Variants in ZNF324B observed in about 807,000 individuals in gnomAD.
The protein encoded by ZNF324B is zinc finger protein 324B.
In ZNF324B, 7 loss-of-function variants were observed where a neutral mutation model predicts 10.6. The ratio of observed to expected loss-of-function variants is 0.66; its 90% CI spans 0.38 to 1.24. The LOEUF is 1.24. ZNF324B is among the 50% of genes most tolerant of loss of function. The probability of loss-of-function intolerance (pLI) is 0.02; values close to 1 mark genes in which losing one functional copy is unlikely to be tolerated. For missense variants in ZNF324B, 640 were observed against 764.7 expected, an observed-to-expected ratio of 0.84 and a Z score of 1.92; for synonymous variants, 316 against 321.0, an observed-to-expected ratio of 0.98 and a Z score of 0.17.
At chr19:58,428,083 G>GTAA in the ZNF324B span, among the ~76,000 whole-genome samples, 1 of 152,316 alleles carries the variant, frequency 6.6e-6, no homozygotes, top group East Asian at 1.9e-4. Flanking sequence ...AAACTTTGCT[G>GTAA]ACGGCAAAAC....
the ZNF324B span, among the ~76,000 whole-genome samples, chr19:58,425,741 G>C: frequency 6.6e-6 from 1 of 152,140 alleles, no homozygotes; most frequent in Non-Finnish European, 1.5e-5. Flanking sequence ...AAAGTGCTGG[G>C]ATTACAGGCA....
the ZNF324B span, chr19:58,445,116 T>C: frequency 6.8e-6 from 2 of 292,442 alleles, no homozygotes; most frequent in South Asian, 6.0e-5. Context: ...TTCAGAGTTC[T>C]GCTTTCATTA....
At chr19:58,442,993 A>ATACAGAGCACTGATTGGTCCATTT in the ZNF324B span, 2 of 32,100 alleles carry the variant, frequency 6.2e-5, no homozygotes, top group African/African-American at 5.4e-4. Context: ...TTGGTCCATT[A>ATACAGAGCACTGATTGGTCCATTT]TACAGAGCAC....
At position 58,456,358 on chromosome 19, in the gene ZNF324B, C is replaced by T. The variant is rs756211839; in HGVS notation, c.1414C>T (p.Arg472Trp). 9.8e-5 allele frequency: 158 copies of T among 1,612,508 alleles called. No homozygotes were observed. The highest frequency in any genetic ancestry group is 1.3e-4 in the Non-Finnish European group (156 of 1,179,936). Residue 472 changes from arginine (R) to tryptophan (W), a missense_variant, in exon 4 of 4, where the codon CGG becomes TGG. Arg to Trp is a moderately radical substitution (Grantham distance 101, BLOSUM62 -3). Around this residue, in one of 3 missense-constraint regions of ZNF324B, gnomAD observed 238 missense variants for 258.0 expected, o/e 0.92. Coordinates refer to ENST00000336614, the MANE Select transcript of ZNF324B (RefSeq NM_207395.3). This position sits in a 1 kb window ranked among gnomAD's most constrained non-coding sequence, Gnocchi z 4.7. The stretch of plus-strand genomic sequence containing the variant: ...CAAGGGCGCCGTGCTGCTCAGCCAC[C>T]GGCGCATTCACACGGGCGAGAAGCC... ...FAKGAVLLSH[R>W]RIHTGEKPFV...
chr19:58,424,011 G>A, the ZNF324B span, among the ~76,000 whole-genome samples: 13 of 151,900 alleles, frequency 8.6e-5, no homozygotes, highest in African/African-American at 1.9e-4. Context: ...AGGCCGAGGC[G>A]GACGGATCAC....
At chr19:58,437,740 C>T in the ZNF324B span, 38 of 985,294 alleles carry the variant, frequency 3.9e-5, no homozygotes, top group Non-Finnish European at 4.3e-5. Flanking sequence ...CAGATGCAAC[C>T]GGGATCCATT....
the ZNF324B span, chr19:58,433,999 G>T: frequency 1.2e-6 from 2 of 1,614,224 alleles, no homozygotes; most frequent in Non-Finnish European, 1.7e-6. Flanking sequence ...CCGTTCTCCA[G>T]TGTGAACTTT....
At chr19:58,430,364 G>C in the ZNF324B span, 1 of 152,252 alleles carries the variant, frequency 6.6e-6, no homozygotes. Context: ...GTGAAATAGT[G>C]ACTATTGTTT....
the ZNF324B span, among the ~76,000 whole-genome samples, chr19:58,425,877 T>G: frequency 6.6e-6 from 1 of 152,194 alleles, no homozygotes; most frequent in Non-Finnish European, 1.5e-5. Context: ...GTGAACTGGG[T>G]CTAATGTTTC....
the ZNF324B span, among the ~76,000 whole-genome samples, chr19:58,439,337 A>C: frequency 6.6e-6 from 1 of 151,946 alleles, no homozygotes; most frequent in African/African-American, 2.4e-5. Context: ...TACTTCCTCT[A>C]CTCCAAACCT....
chr19:58,438,837 C>A, the ZNF324B span, among the ~76,000 whole-genome samples: 1 of 151,474 alleles, frequency 6.6e-6, no homozygotes, highest in African/African-American at 2.4e-5. Context: ...GTGGCACGAT[C>A]TCAGCTCAAT....
At chr19:58,451,131 C>G (rs1270489293), upstream of ZNF324B, among the ~76,000 whole-genome samples, 1 of 152,192 alleles carries the variant, frequency 6.6e-6, no homozygotes, top group African/African-American at 2.4e-5. Context: ...TTACGGGACA[C>G]TGACACACAG....
chr19:58,457,458 T>A lies in ZNF324B; in HGVS notation c.*879T>A, dbSNP rs1783068448. On this transcript the variant is annotated 3_prime_UTR_variant, in exon 4 of 4. Transcript: ENST00000336614. ...TTACACCTGTGGAGACAGTGATAGC[T>A]TTGGAGCAGATAAGGTGGAGCTGCT... 1 of 152,310 alleles carries A rather than the reference T, an allele frequency of 6.6e-6. No homozygotes were observed. The highest frequency in any genetic ancestry group is 2.1e-4 in the South Asian group (1 of 4,832). 9.4% of individuals were successfully genotyped at this position (152,310 alleles called of 1,614,324 possible). A position where few individuals can be genotyped will look rare whatever the true frequency, so the allele number is the denominator to read the frequency against.
intron 1 of ZNF324B, 167 bp downstream of exon 1, chr19:58,451,871 G>C (rs1300666718): frequency 4.0e-6 from 1 of 253,082 alleles, no homozygotes; most frequent in African/African-American, 2.4e-5. Flanking sequence ...TGCCGGGCAG[G>C]CTGAGGCGCG....
chr19:58,452,055 G>C (rs1177710405), intron 1 of ZNF324B: 1 of 191,102 alleles, frequency 5.2e-6, no homozygotes, highest in East Asian at 1.9e-4. Flanking sequence ...CCGCTTCCTA[G>C]ACCTCGCCTA....
At chr19:58,447,121 G>A (rs1272698674), upstream of ZNF324B, among the ~76,000 whole-genome samples, 4 of 152,044 alleles carry the variant, frequency 2.6e-5, no homozygotes, top group African/African-American at 4.8e-5. Context: ...ACTTACAGGC[G>A]TGTGCCACCA....
chr19:58,418,495 A>ATT, the ZNF324B span: 10 of 148,492 alleles, frequency 6.7e-5, no homozygotes, highest in East Asian at 4.0e-4. Context: ...CACCTGGCTA[A>ATT]TTTTTTTTTT....
the ZNF324B span, chr19:58,440,046 G>C: frequency 3.7e-6 from 2 of 545,612 alleles, no homozygotes; most frequent in South Asian, 4.8e-5. Context: ...GGGCACTATG[G>C]TGCGTGTGAA....
At chr19:58,446,688 T>A (rs1057299936), upstream of ZNF324B, among the ~76,000 whole-genome samples, 1 of 145,740 alleles carries the variant, frequency 6.9e-6, no homozygotes, top group African/African-American at 2.6e-5. Flanking sequence ...GAGATTCCCC[T>A]GCCTCAGCCT....
Sources: gnomAD v4.1 joint callset for allele counts (sites outside exome capture counted in the v4.1 genomes callset) on GRCh38, gnomAD v4.1.1 for gene constraint, gnomAD v4.1.1 regional missense constraint, Gnocchi (gnomAD v3.1) non-coding constraint, MANE v1.5 for transcripts, NCBI Gene and HGNC (gene_info 2026-07-23, HGNC 2026-07-21) for gene names.